FOCAD: variants seen among roughly 807,000 people sequenced by gnomAD.
The protein encoded by FOCAD is KIAA1797.
Under a neutral mutation model 225.6 loss-of-function variants are expected in FOCAD, and 198 were observed. That is an observed-to-expected ratio of 0.88 (90% CI 0.78 to 0.99). The LOEUF (loss-of-function observed/expected upper bound fraction) is 0.99, where lower values mean the gene tolerates loss of function less well. Among genes scored for constraint, FOCAD ranks in the 50% least tolerant of loss-of-function variants. FOCAD has a pLI of 0.00. For synonymous variants in FOCAD, 897 were observed against 755.0 expected (o/e 1.19, Z -3.08); for missense variants, 2,713 against 2,123.6 (o/e 1.28, Z -5.46).
intron 11 of FOCAD, among the ~76,000 whole-genome samples, chr9:20,793,814 G>T (rs898262142): frequency 6.6e-6 from 1 of 152,180 alleles, no homozygotes; most frequent in Admixed American, 6.5e-5. Flanking sequence ...TGGTAACTTT[G>T]AATTTCATAA....
At chr9:20,918,367 A>G (rs1445475323) in intron 24 of FOCAD, among the ~76,000 whole-genome samples, 1 of 152,194 alleles carries the variant, frequency 6.6e-6, no homozygotes, top group African/African-American at 2.4e-5. Flanking sequence ...ACTAATACCT[A>G]AAGAAAATAT....
intron 25 of FOCAD, among the ~76,000 whole-genome samples, chr9:20,924,605 C>T (rs1428974271): frequency 6.6e-6 from 1 of 152,116 alleles, no homozygotes; most frequent in Non-Finnish European, 1.5e-5. Context: ...CTGTCTCTGT[C>T]CTCAATGAGT....
intron 21 of FOCAD, among the ~76,000 whole-genome samples, chr9:20,895,945 C>T (rs563031078): frequency 1.3e-5 from 2 of 151,960 alleles, no homozygotes; most frequent in African/African-American, 4.8e-5. Flanking sequence ...CCTTGCCTTG[C>T]TCCTGATCTT....
At chr9:20,800,967 A>G (rs1279139494) in intron 11 of FOCAD, among the ~76,000 whole-genome samples, 1 of 151,942 alleles carries the variant, frequency 6.6e-6, no homozygotes, top group Non-Finnish European at 1.5e-5. Flanking sequence ...TTTTTTCCCC[A>G]TCTTTGTGGT....
chr9:20,896,197 G>A (rs1223722456), intron 21 of FOCAD, among the ~76,000 whole-genome samples: 1 of 151,872 alleles, frequency 6.6e-6, no homozygotes, highest in African/African-American at 2.4e-5. Flanking sequence ...ATTTAGTCTT[G>A]TGTACCAAAA....
intron 1 of FOCAD, among the ~76,000 whole-genome samples, chr9:20,690,587 C>T (rs573232735): frequency 2.6e-5 from 4 of 152,284 alleles, no homozygotes; most frequent in East Asian, 1.9e-4. Context: ...CTTGCTCTGT[C>T]GCCCTCTCTG....
chr9:20,667,168 C>T (rs889472930), intron 2 of FOCAD, among the ~76,000 whole-genome samples: 1 of 152,142 alleles, frequency 6.6e-6, no homozygotes, highest in African/African-American at 2.4e-5. Context: ...CTTATAAAGT[C>T]ACTAAAATCA....
intron 15 of FOCAD, among the ~76,000 whole-genome samples, chr9:20,831,473 C>T (rs1016481729): frequency 6.6e-6 from 1 of 152,064 alleles, no homozygotes; most frequent in Non-Finnish European, 1.5e-5. Flanking sequence ...ATTTATGAGA[C>T]ATTTTTGGCC....
At chr9:20,742,989 T>C (rs1182452251) in intron 5 of FOCAD, among the ~76,000 whole-genome samples, 1 of 152,162 alleles carries the variant, frequency 6.6e-6, no homozygotes. Flanking sequence ...TAGAGAGTAA[T>C]TGAGTGTATA....
At chr9:20,822,472 G>A (rs1824433698) in intron 14 of FOCAD, among the ~76,000 whole-genome samples, 1 of 151,960 alleles carries the variant, frequency 6.6e-6, no homozygotes, top group Admixed American at 6.6e-5. Context: ...ATTTAGCACA[G>A]TGCCTGGCAT....
intron 30 of FOCAD, among the ~76,000 whole-genome samples, 192 bp downstream of exon 30, chr9:20,947,012 C>G (rs1417322687): frequency 6.6e-6 from 1 of 152,162 alleles, no homozygotes; most frequent in Non-Finnish European, 1.5e-5. Context: ...TATCCCCTGT[C>G]TCATTCTGTG....
At chr9:20,873,214 ACT>A (rs1829949333) in intron 18 of FOCAD, among the ~76,000 whole-genome samples, 1 of 151,986 alleles carries the variant, frequency 6.6e-6, no homozygotes, top group African/African-American at 2.4e-5. Flanking sequence ...CCATGTAGTA[ACT>A]CTATTTTTTT....
intron 15 of FOCAD, among the ~76,000 whole-genome samples, chr9:20,847,389 T>C (rs1827222569): frequency 6.6e-6 from 1 of 152,146 alleles, no homozygotes; most frequent in Non-Finnish European, 1.5e-5. Context: ...ATGCACGTTG[T>C]AGTATGTTAA....
intron 19 of FOCAD, among the ~76,000 whole-genome samples, chr9:20,878,042 G>C (rs1424366127): frequency 1.3e-5 from 2 of 152,020 alleles, no homozygotes; most frequent in Non-Finnish European, 2.9e-5. Context: ...TATTGTGGAA[G>C]TTTCAACATT....
At chr9:20,739,420 A>G (rs1827416472) in intron 4 of FOCAD, among the ~76,000 whole-genome samples, 1 of 152,152 alleles carries the variant, frequency 6.6e-6, no homozygotes, top group Admixed American at 6.5e-5. Context: ...CCTGACCAAC[A>G]TGGTGAAACC....
rs985662680 is a variant in FOCAD, at chr9:20,933,077, C to T, written c.3381C>T (p.Cys1127=). 3.7e-6 allele frequency: 6 copies of T among 1,613,860 alleles called. No individual in the cohort carries two copies. The highest frequency in any genetic ancestry group is 1.1e-5 in the South Asian group (1 of 91,078). The change falls in exon 28 of 44, where the codon TGC becomes TGT. Residue 1127 remains cysteine (C), a synonymous_variant. Transcript: ENST00000338382. ...LMKSLDALEN[C]CFDTSLEYNT... ...AGTCGTTGGATGCCCTGGAAAATTG[C>T]TGCTTTGACACTAGTCTTGAATACA...
intron 35 of FOCAD, among the ~76,000 whole-genome samples, chr9:20,955,364 C>T (rs1017856602): frequency 2.0e-5 from 3 of 152,090 alleles, no homozygotes; most frequent in Non-Finnish European, 4.4e-5. Context: ...AGGGCTTTCT[C>T]ACTTAGGATA....
chr9:20,860,635 AT>A (rs936407995), intron 15 of FOCAD, among the ~76,000 whole-genome samples: 1 of 152,042 alleles, frequency 6.6e-6, no homozygotes, highest in African/African-American at 2.4e-5. Flanking sequence ...GTTTCAAGCG[AT>A]TTTTGTGCGT....
chr9:20,858,242 CTT>C (rs74993336), intron 15 of FOCAD, among the ~76,000 whole-genome samples: 18,283 of 151,962 alleles, frequency 0.12, 1,435 homozygotes, highest in Admixed American at 0.25. Flanking sequence ...TGATGGGAAA[CTT>C]TGTTATGGCT....
Sources: gnomAD v4.1 joint callset for allele counts (sites outside exome capture counted in the v4.1 genomes callset) on GRCh38, gnomAD v4.1.1 for gene constraint, MANE v1.5 for transcripts, NCBI Gene and HGNC (gene_info 2026-07-23, HGNC 2026-07-21) for gene names.